The following PLD1 variants were observed in gnomAD, a reference collection of about 807,000 sequenced individuals.
The protein encoded by PLD1 is phospholipase D1, also known as choline phosphatase 1.
Under a neutral mutation model 137.1 loss-of-function variants are expected in PLD1, and 112 were observed. That is an observed-to-expected ratio of 0.82 (90% CI 0.70 to 0.96). The LOEUF (loss-of-function observed/expected upper bound fraction) is 0.96. Among genes scored for constraint, PLD1 ranks in the 40% least tolerant of loss-of-function variants. PLD1 has a pLI of 0.00. For missense variants in PLD1, 1,321 were observed against 1,342.0 expected, an observed-to-expected ratio of 0.98 and a Z score of 0.24; for synonymous variants, 431 against 454.7, an observed-to-expected ratio of 0.95 and a Z score of 0.66.
At chr3:171,764,970 GAAAGAAA>G (rs1560289919) in intron 1 of PLD1, among the ~76,000 whole-genome samples, 1 of 63,060 alleles carries the variant, frequency 1.6e-5, no homozygotes, top group Non-Finnish European at 4.2e-5. Context: ...AAGAAAGAAA[GAAAGAAA>G]GAAAGAAAGA....
At chr3:171,707,278 A>T (rs1468028812) in intron 11 of PLD1, among the ~76,000 whole-genome samples, 1 of 152,198 alleles carries the variant, frequency 6.6e-6, no homozygotes, top group Non-Finnish European at 1.5e-5. Flanking sequence ...CCTATTTAAC[A>T]AACCTGCAGT....
At chr3:171,657,979 A>G (rs926054647) in intron 21 of PLD1, among the ~76,000 whole-genome samples, 12 of 152,314 alleles carry the variant, frequency 7.9e-5, no homozygotes, top group African/African-American at 2.6e-4. Flanking sequence ...CAAATACCCC[A>G]GTGAACAAAT....
In PLD1 at chr3:171,713,858, T is replaced by G. The variant is rs550124456; in HGVS notation, c.911+35A>C. ...GAAAAAAATGTTTTTAAGGCATTTT[T>G]GTAGAAATCTTTTTTAAATATTTGA... is the stretch of plus-strand genomic sequence containing the variant. On this transcript the variant is annotated intron_variant, in intron 9 of 26. Transcript: ENST00000351298. The G allele has an allele frequency of 3.5e-5, 55 of 1,559,918 alleles. No individual in the cohort carries two copies. The African/African-American group carries it at 6.4e-4, about 18-fold the overall frequency.
At chr3:171,681,814 G>A (rs769444218) in intron 16 of PLD1, among the ~76,000 whole-genome samples, 11 of 152,070 alleles carry the variant, frequency 7.2e-5, no homozygotes, top group Non-Finnish European at 1.2e-4. Flanking sequence ...CCTATCCATT[G>A]CATTCCTAAG....
chr3:171,710,517 G>C (rs1236386947), intron 9 of PLD1, among the ~76,000 whole-genome samples: 1 of 152,322 alleles, frequency 6.6e-6, no homozygotes, highest in East Asian at 1.9e-4. Flanking sequence ...AATAGGGTTC[G>C]AGCTTCTGTG....
At chr3:171,794,649 A>G (rs1367486609) in intron 1 of PLD1, among the ~76,000 whole-genome samples, 1 of 150,332 alleles carries the variant, frequency 6.7e-6, no homozygotes, top group Non-Finnish European at 1.5e-5. Context: ...TACATCGTGA[A>G]TAAAACAAAA....
At chr3:171,659,074 G>A (rs1737443773) in intron 21 of PLD1, 139 bp downstream of exon 21, 1 of 658,564 alleles carries the variant, frequency 1.5e-6, no homozygotes. Context: ...CAGACTAAAG[G>A]CATCAATAAC....
intron 6 of PLD1, among the ~76,000 whole-genome samples, chr3:171,729,883 T>A (rs1718801035): frequency 6.6e-6 from 1 of 152,228 alleles, no homozygotes; most frequent in Admixed American, 6.5e-5. Flanking sequence ...GAACTCAGTA[T>A]TATTGATCTG....
chr3:171,643,017 T>C, intron 22 of PLD1, 128 bp from the exon 23 acceptor site: 2 of 620,586 alleles, frequency 3.2e-6, no homozygotes, highest in Non-Finnish European at 5.7e-6. Context: ...ATGCTACATA[T>C]ATATCTAAAT....
chr3:171,697,858 T>C (rs748416876), intron 12 of PLD1, among the ~76,000 whole-genome samples: 2 of 152,252 alleles, frequency 1.3e-5, no homozygotes, highest in Non-Finnish European at 2.9e-5. Flanking sequence ...GCAGATTTTA[T>C]AAGCTCCTTC....
chr3:171,778,705 G>A (rs1412514434), intron 1 of PLD1, among the ~76,000 whole-genome samples: 53 of 152,346 alleles, frequency 3.5e-4, no homozygotes, highest in East Asian at 1.9e-4. Flanking sequence ...AGTCAGTGCT[G>A]TGAAAGAAAG....
At chr3:171,718,959 C>T (rs1717880322) in intron 8 of PLD1, among the ~76,000 whole-genome samples, 1 of 152,146 alleles carries the variant, frequency 6.6e-6, no homozygotes, top group African/African-American at 2.4e-5. Flanking sequence ...ATACCTCCTG[C>T]CTGTGTTACT....
intron 1 of PLD1, among the ~76,000 whole-genome samples, chr3:171,740,070 G>C (rs1483032484): frequency 6.6e-6 from 1 of 152,132 alleles, no homozygotes; most frequent in Non-Finnish European, 1.5e-5. Context: ...TGAGGAGGTT[G>C]AGCCATTTCA....
chr3:171,737,718 C>G (rs1560265563), intron 2 of PLD1, 59 bp from the exon 3 acceptor site: 3 of 1,358,502 alleles, frequency 2.2e-6, no homozygotes, highest in African/African-American at 2.9e-5. Flanking sequence ...TTGTCTTTTA[C>G]AGGCATTCTT....
chr3:171,606,365 G>A (rs1732202855), intron 25 of PLD1, among the ~76,000 whole-genome samples: 1 of 152,200 alleles, frequency 6.6e-6, no homozygotes, highest in African/African-American at 2.4e-5. Flanking sequence ...TGCTGAGTAG[G>A]CAGTAGATAA....
chr3:171,728,048 G>C (rs9870386), intron 6 of PLD1, among the ~76,000 whole-genome samples: 20,945 of 152,156 alleles, frequency 0.14, 1,508 homozygotes, highest in South Asian at 0.22. Context: ...AGTGGCTCAC[G>C]CCTGTAATCC....
Position 171,627,321 on chromosome 3 carries a change from A to G in PLD1, c.2594-6801T>C, listed in dbSNP as rs1338947174. ...ACAAGAAGAGCTAACTATCCTAAATATATATGCACCCAATACAGGAGCACC... is the reference window on the plus strand; with the variant it reads ...ACAAGAAGAGCTAACTATCCTAAATGTATATGCACCCAATACAGGAGCACC... On this transcript the variant is annotated intron_variant, in intron 23 of 26. Transcript: ENST00000351298. Among the ~76,000 whole-genome samples, 7 of 152,206 alleles carry G rather than the reference A, an allele frequency of 4.6e-5. No homozygotes were observed. The East Asian group carries it at 7.7e-4, about 17-fold the overall frequency.
intron 1 of PLD1, among the ~76,000 whole-genome samples, chr3:171,746,978 C>T (rs114565016): frequency 6.6e-6 from 1 of 152,174 alleles, no homozygotes; most frequent in East Asian, 1.9e-4. Flanking sequence ...ACACTCATGG[C>T]AAAGGTCTGC....
chr3:171,745,669 G>A (rs559400345), intron 1 of PLD1, among the ~76,000 whole-genome samples: 213 of 152,252 alleles, frequency 1.4e-3, no homozygotes, highest in African/African-American at 5.0e-3. Flanking sequence ...TTGTACATCA[G>A]GGGGGTAAGA....
Sources: allele counts gnomAD v4.1 joint callset (sites outside exome capture counted in the v4.1 genomes callset), GRCh38; gene constraint gnomAD v4.1.1; transcripts MANE v1.5; gene names NCBI Gene and HGNC (gene_info 2026-07-23, HGNC 2026-07-21).